Variants in XRCC5 observed in about 807,000 individuals in gnomAD.
XRCC5 encodes DNA repair protein Ku80.
Under a neutral mutation model 95.7 loss-of-function variants are expected in XRCC5, and 12 were observed. The observed-to-expected ratio is 0.13, with a 90% CI of 0.08 to 0.20. XRCC5 has a LOEUF of 0.20. Ranked by LOEUF, XRCC5 falls within the 10% of genes least tolerant of loss-of-function variation. The pLI is 1.00. For missense variants in XRCC5, 595 were observed against 873.9 expected, an observed-to-expected ratio of 0.68 and a Z score of 4.02; for synonymous variants, 281 against 290.3, an observed-to-expected ratio of 0.97 and a Z score of 0.33.
rs1162388334 is a variant in XRCC5 at position 216,119,407 on chromosome 2, A to T, written c.491+242A>T. 2.6e-5 allele frequency among the ~76,000 whole-genome samples: 4 copies of T among 152,360 alleles called. No individual in the cohort carries two copies. In the East Asian group the frequency reaches 7.7e-4, roughly 29 times the overall value. On this transcript the variant is annotated intron_variant, in intron 5 of 20. Coordinates refer to ENST00000392132, the MANE Select transcript of XRCC5 (RefSeq NM_021141.4). ...ATCCAGAAGAATTGAGCTTAGTGGC[A>T]GATCATTGTTTAGTGTTCTTAGACT...
chr2:216,175,910 A>G (rs1689264547), intron 16 of XRCC5: 3 of 399,356 alleles, frequency 7.5e-6, no homozygotes, highest in South Asian at 6.3e-5. Flanking sequence ...CAGACCACCA[A>G]TAAACAATTT....
chr2:216,204,332 C>G lies in XRCC5; in HGVS notation c.2120C>G (p.Pro707Arg). The G allele has an allele frequency of 6.2e-7, 1 of 1,613,862 alleles. No individual in the cohort carries two copies. The highest frequency in any genetic ancestry group is 8.5e-7 in the Non-Finnish European group (1 of 1,179,834). ...ACTTTCTATTTACAGTTTCTGGCCC[C>G]CAAAGACAAACCAAGTGGAGACACA... Reference protein sequence around the residue: ...TAEEAKKFLAPKDKPSGDTAA... With the variant: ...TAEEAKKFLARKDKPSGDTAA... Residue 707 changes from proline (P) to arginine (R), a missense_variant, in exon 20 of 21, where the codon CCC becomes CGC. Around this residue, in one of 2 missense-constraint regions of XRCC5, gnomAD observed 309 missense variants for 382.9 expected, o/e 0.81. Transcript: ENST00000392132.
At chr2:216,128,942 G>T (rs1696937147) in intron 8 of XRCC5, among the ~76,000 whole-genome samples, 1 of 152,234 alleles carries the variant, frequency 6.6e-6, no homozygotes, top group African/African-American at 2.4e-5. Context: ...TTCAGAGTCT[G>T]TGCCTGCATT....
intron 17 of XRCC5, among the ~76,000 whole-genome samples, chr2:216,191,479 C>T (rs567910832): frequency 2.0e-5 from 3 of 151,494 alleles, no homozygotes; most frequent in South Asian, 2.1e-4. Context: ...TGGCGGATCT[C>T]GGCTCACTGC....
rs115029702 is a variant in XRCC5 at position 216,137,148 on chromosome 2, A to G, written c.1174A>G (p.Ile392Val). 396 of 1,614,118 alleles carry G rather than the reference A, an allele frequency of 2.5e-4. No individual in the cohort carries two copies. Among genetic ancestry groups the G allele is most frequent in the Non-Finnish European group, 2.9e-4 (343 of 1,179,968 alleles). ...TTTGGATGACTTAGACATGGTGGCCATAGTTCGATATGCTTATGACAAAAG... is the reference window on the plus strand; with the variant it reads ...TTTGGATGACTTAGACATGGTGGCCGTAGTTCGATATGCTTATGACAAAAG... ...HALDDLDMVA[I>V]VRYAYDKRAN... is the part of the protein sequence containing the mutation. Residue 392 changes from isoleucine to valine, a missense_variant, in exon 11 of 21, where the codon ATA (isoleucine) becomes GTA (valine). Physicochemically the swap from Ile to Val is conservative, Grantham distance 29. This residue lies in a region of XRCC5 where 286 missense variants were observed against 491.1 expected (regional missense o/e 0.58). Coordinates refer to ENST00000392132, the MANE Select transcript of XRCC5 (RefSeq NM_021141.4).
At chr2:216,122,591 T>G (rs1696829704) in intron 6 of XRCC5, among the ~76,000 whole-genome samples, 1 of 152,110 alleles carries the variant, frequency 6.6e-6, no homozygotes, top group African/African-American at 2.4e-5. Context: ...GGGCCCTTTT[T>G]TTTTTACACA....
chr2:216,162,836 G>C (rs191711507), intron 16 of XRCC5, among the ~76,000 whole-genome samples: 140 of 152,216 alleles, frequency 9.2e-4, no homozygotes, highest in Non-Finnish European at 1.8e-3. Flanking sequence ...TTCCTTATCA[G>C]GTAGTACCTA....
chr2:216,138,854 C>T (rs953811931), intron 12 of XRCC5, among the ~76,000 whole-genome samples: 2 of 152,168 alleles, frequency 1.3e-5, no homozygotes, highest in Non-Finnish European at 1.5e-5. Context: ...TTTTAGGTTA[C>T]AAGTTTATAT....
chr2:216,117,523 T>G (rs377686663), intron 3 of XRCC5: 62 of 500,094 alleles, frequency 1.2e-4, no homozygotes, highest in African/African-American at 1.1e-3. Flanking sequence ...TAGATTACCT[T>G]TTGTTTATAT....
intron 18 of XRCC5, among the ~76,000 whole-genome samples, chr2:216,194,024 A>G (rs1689668514): frequency 6.6e-6 from 1 of 152,230 alleles, no homozygotes; most frequent in South Asian, 2.1e-4. Flanking sequence ...CCACTCTATC[A>G]ATAGCCAGTA....
At position 216,194,948 on chromosome 2, in the gene XRCC5, G is replaced by A. The variant is rs1689687014; in HGVS notation, c.2071G>A (p.Ala691Thr). Residue 691 changes from alanine to threonine, a missense_variant, in exon 19 of 21, where the codon GCC (alanine) becomes ACC (threonine). Coordinates refer to ENST00000392132, the MANE Select transcript of XRCC5 (RefSeq NM_021141.4). Reference protein sequence around the residue: ...DGITLITKEEASGSSVTAEEA... With the variant: ...DGITLITKEETSGSSVTAEEA... Reference sequence around the variant, plus strand: ...AATTACTCTGATCACCAAAGAGGAAGCCTCTGGAAGTTCTGTCACAGCTGA... The same window carrying A: ...AATTACTCTGATCACCAAAGAGGAAACCTCTGGAAGTTCTGTCACAGCTGA... 3.1e-6 allele frequency: 5 copies of A among 1,614,198 alleles called. No individual in the cohort carries two copies. Among genetic ancestry groups the A allele is most frequent in the Non-Finnish European group, 4.2e-6 (5 of 1,180,024 alleles).
At chr2:216,116,986 A>T (rs1696709177) in intron 3 of XRCC5, 144 bp downstream of exon 3, 1 of 852,064 alleles carries the variant, frequency 1.2e-6, no homozygotes, top group Non-Finnish European at 1.8e-6. Context: ...ATGTGTTAAT[A>T]GGGTTTAATG....
At chr2:216,116,949 A>G in intron 3 of XRCC5, 107 bp downstream of exon 3, 1 of 1,288,902 alleles carries the variant, frequency 7.8e-7, no homozygotes, top group Non-Finnish European at 1.1e-6. Context: ...GTATATGGGT[A>G]TATTTTGCTC....
At chr2:216,184,259 T>C (rs967723302) in intron 16 of XRCC5, among the ~76,000 whole-genome samples, 4 of 152,168 alleles carry the variant, frequency 2.6e-5, no homozygotes, top group Non-Finnish European at 5.9e-5. Flanking sequence ...AGGAAATGTA[T>C]GTAACTCTAA....
intron 1 of XRCC5, among the ~76,000 whole-genome samples, chr2:216,110,739 T>C (rs185175574): frequency 6.6e-6 from 1 of 152,230 alleles, no homozygotes; most frequent in African/African-American, 2.4e-5. Context: ...TAGAGTTTTC[T>C]GGTTTAAAAG....
At chr2:216,140,452 A>G (rs1049043975) in intron 12 of XRCC5, among the ~76,000 whole-genome samples, 3 of 152,186 alleles carry the variant, frequency 2.0e-5, no homozygotes, top group African/African-American at 7.2e-5. Flanking sequence ...CCTTTCGTCC[A>G]TATTGCTTTG....
intron 14 of XRCC5, among the ~76,000 whole-genome samples, chr2:216,155,236 C>CAAAA (rs10674711): frequency 9.5e-4 from 76 of 79,908 alleles, no homozygotes; most frequent in South Asian, 1.9e-3. Flanking sequence ...ACTCCCATCT[C>CAAAA]AAAAAAAAAA....
At chr2:216,117,582 G>A (rs537048072) in intron 3 of XRCC5, 164 bp from the exon 4 acceptor site, 1 of 596,086 alleles carries the variant, frequency 1.7e-6, no homozygotes, top group Non-Finnish European at 3.0e-6. Context: ...TAGAATGTAT[G>A]AATATATGTT....
chr2:216,122,336 C>T, intron 6 of XRCC5, 83 bp downstream of exon 6: 1 of 1,335,478 alleles, frequency 7.5e-7, no homozygotes, highest in Non-Finnish European at 1.0e-6. Context: ...CAAATGTTTC[C>T]TTTTTCTGGG....
Sources: gnomAD v4.1 joint callset for allele counts (sites outside exome capture counted in the v4.1 genomes callset) on GRCh38, gnomAD v4.1.1 for gene constraint, gnomAD v4.1.1 regional missense constraint, MANE v1.5 for transcripts, NCBI Gene and HGNC (gene_info 2026-07-23, HGNC 2026-07-21) for gene names.